LRFN2: variants seen among roughly 807,000 people sequenced by gnomAD.
LRFN2 encodes leucine-rich repeat and fibronectin type-III domain-containing protein 2.
A neutral mutation model predicts 37.3 loss-of-function variants in LRFN2; 18 were observed. The observed-to-expected ratio is 0.48, with a 90% confidence interval of 0.33 to 0.72. LRFN2 has a LOEUF of 0.72. Among genes scored for constraint, LRFN2 ranks in the 30% least tolerant of loss-of-function variants. The probability of loss-of-function intolerance (pLI) is 0.02; values close to 1 mark genes in which losing one functional copy is unlikely to be tolerated. For synonymous variants in LRFN2, 556 were observed against 466.6 expected (o/e 1.19, Z -2.47); for missense variants, 1,006 against 1,060.7 (o/e 0.95, Z 0.72).
intron 1 of LRFN2, among the ~76,000 whole-genome samples, chr6:40,452,579 G>A (rs545751987): frequency 1.3e-5 from 2 of 152,256 alleles, no homozygotes; most frequent in East Asian, 3.9e-4. Flanking sequence ...CTCCACCCTG[G>A]AAGCCAGAAC....
intron 1 of LRFN2, among the ~76,000 whole-genome samples, chr6:40,508,918 T>C (rs1471330876): frequency 1.3e-5 from 2 of 152,194 alleles, no homozygotes; most frequent in Non-Finnish European, 2.9e-5. Context: ...CTCACATCCA[T>C]GCAATGATTG....
At chr6:40,398,450 CCA>C (rs1293858287) in intron 2 of LRFN2, among the ~76,000 whole-genome samples, 2 of 151,768 alleles carry the variant, frequency 1.3e-5, no homozygotes, top group African/African-American at 2.4e-5. Context: ...AAACCGAAAG[CCA>C]GAGTTCACAG....
At chr6:40,464,374 T>A (rs1274185485) in intron 1 of LRFN2, among the ~76,000 whole-genome samples, 2 of 152,174 alleles carry the variant, frequency 1.3e-5, no homozygotes, top group Non-Finnish European at 2.9e-5. Flanking sequence ...TTGGGACCTT[T>A]AAGGTGATTA....
chr6:40,564,644 A>G (rs529851176), intron 1 of LRFN2, among the ~76,000 whole-genome samples: 18 of 151,858 alleles, frequency 1.2e-4, no homozygotes, highest in Non-Finnish European at 2.5e-4. Context: ...TAATACACCC[A>G]CTCTCACCAT....
intron 1 of LRFN2, among the ~76,000 whole-genome samples, chr6:40,572,948 G>A (rs1053492694): frequency 1.3e-5 from 2 of 152,186 alleles, no homozygotes; most frequent in African/African-American, 2.4e-5. Context: ...AGGACTGCAC[G>A]AGCCCATGTC....
intron 1 of LRFN2, among the ~76,000 whole-genome samples, chr6:40,534,870 A>G (rs1456649437): frequency 1.3e-5 from 2 of 152,136 alleles, no homozygotes; most frequent in African/African-American, 4.8e-5. Context: ...CCCCGCGCCC[A>G]TCTTAGAAAA....
chr6:40,437,230 C>T (rs750661674), intron 1 of LRFN2, among the ~76,000 whole-genome samples: 1 of 152,142 alleles, frequency 6.6e-6, no homozygotes, highest in Non-Finnish European at 1.5e-5. Context: ...CAGATCCTCT[C>T]TCCACCCTCT....
chr6:40,402,625 T>A lies in LRFN2; in HGVS notation c.1401-9713A>T, dbSNP rs79834584. Among the ~76,000 whole-genome samples the A allele has an allele frequency of 1.2e-4, 19 of 152,298 alleles. No homozygotes were observed. In the East Asian group the frequency reaches 3.7e-3, roughly 29 times the overall value. ...TCATTATGGATGAGAAAATCAAGGTTCCAAGACATTAGGTGACTTGACTAA... is the reference window on the plus strand; with the variant it reads ...TCATTATGGATGAGAAAATCAAGGTACCAAGACATTAGGTGACTTGACTAA... On this transcript the variant is annotated intron_variant, in intron 2 of 2. Coordinates refer to ENST00000338305, the MANE Select transcript of LRFN2 (RefSeq NM_020737.3).
At chr6:40,492,164 C>G (rs993086228) in intron 1 of LRFN2, among the ~76,000 whole-genome samples, 2 of 152,200 alleles carry the variant, frequency 1.3e-5, no homozygotes, top group Non-Finnish European at 2.9e-5. Flanking sequence ...CACCAATCCT[C>G]TGGAATTGGG....
intron 1 of LRFN2, among the ~76,000 whole-genome samples, chr6:40,476,146 G>A (rs1764705094): frequency 6.6e-6 from 1 of 152,164 alleles, no homozygotes. Flanking sequence ...CTGTACCTTA[G>A]TCAGACTGGG....
Position 40,392,001 on chromosome 6 carries a change from A to G in LRFN2, c.2312T>C (p.Leu771Pro). The G allele has an allele frequency of 6.2e-7, 1 of 1,607,536 alleles. No homozygotes were observed. The highest frequency in any genetic ancestry group is 8.5e-7 in the Non-Finnish European group (1 of 1,177,040). ...GMLLPFEESD[L>P]VGARGTFGSS... The stretch of plus-strand genomic sequence containing the variant: ...GCCAAAAGTCCCCCGGGCCCCCACC[A>G]GGTCACTCTCCTCAAAGGGCAAGAG... Residue 771 changes from leucine (L) to proline (P), a missense_variant, in exon 3 of 3, where the codon CTG (leucine) becomes CCG (proline). Leu to Pro is a moderately conservative substitution (Grantham distance 98). This residue lies in a region of LRFN2 where 398 missense variants were observed against 327.6 expected (regional missense o/e 1.21). Transcript: ENST00000338305. This position sits in a 1 kb window ranked among gnomAD's most constrained non-coding sequence, Gnocchi z 4.7.
intron 1 of LRFN2, among the ~76,000 whole-genome samples, chr6:40,457,594 A>G (rs1764260476): frequency 6.8e-6 from 1 of 147,012 alleles, no homozygotes; most frequent in African/African-American, 2.5e-5. Context: ...AGCCATGATC[A>G]TACCTCTGCA....
intron 1 of LRFN2, among the ~76,000 whole-genome samples, chr6:40,556,042 C>T (rs2395748): frequency 0.47 from 72,025 of 151,902 alleles, 18,099 homozygotes; most frequent in African/African-American, 0.64. Flanking sequence ...AGGCACACGC[C>T]GACCGTCACT....
intron 1 of LRFN2, among the ~76,000 whole-genome samples, chr6:40,545,608 G>A (rs577537539): frequency 1.3e-3 from 192 of 152,288 alleles, no homozygotes; most frequent in African/African-American, 4.3e-3. Flanking sequence ...GAGGAAGAGG[G>A]GAGGTCAGGA....
chr6:40,419,649 C>T (rs575987330), intron 2 of LRFN2, among the ~76,000 whole-genome samples: 2 of 152,272 alleles, frequency 1.3e-5, no homozygotes, highest in East Asian at 3.9e-4. Flanking sequence ...CCCTCACAGG[C>T]CTTTGACTGG....
At chr6:40,421,031 T>A (rs1227388974) in intron 2 of LRFN2, among the ~76,000 whole-genome samples, 1 of 152,138 alleles carries the variant, frequency 6.6e-6, no homozygotes, top group Non-Finnish European at 1.5e-5. Flanking sequence ...CAAACTCTGT[T>A]AAAGGCTGAG....
chr6:40,492,820 A>C lies in LRFN2; in HGVS notation c.-18-59689T>G, dbSNP rs545342437. Among the ~76,000 whole-genome samples, 5 of 152,262 alleles carry C rather than the reference A, an allele frequency of 3.3e-5. No individual in the cohort carries two copies. The South Asian group carries it at 1.0e-3, about 32-fold the overall frequency. On this transcript the variant is annotated intron_variant, in intron 1 of 2. Transcript: ENST00000338305. ...CCAGACTCATTTAGAGGAGGAGAGG[A>C]GGGGGTCACAGGAACACCCCTCCCA...
intron 1 of LRFN2, among the ~76,000 whole-genome samples, chr6:40,458,361 G>T (rs1764278104): frequency 1.3e-5 from 2 of 152,206 alleles, no homozygotes; most frequent in Admixed American, 6.5e-5. Context: ...AGCAGGGAGA[G>T]CTAGGCAGTG....
rs547502568 is a variant in LRFN2 at position 40,415,123 on chromosome 6, T to C, written c.1400+16591A>G. On this transcript the variant is annotated intron_variant, in intron 2 of 2. Coordinates refer to ENST00000338305, the MANE Select transcript of LRFN2 (RefSeq NM_020737.3). ...GACCAGAGACCCACCCCAGACAACT[T>C]TCTGCTCCAGAGACAGAAAAACATG... Among the ~76,000 whole-genome samples, 11 of 152,268 alleles carry C rather than the reference T, an allele frequency of 7.2e-5. No homozygotes were observed. In the South Asian group the frequency reaches 2.3e-3, roughly 32 times the overall value.
Sources: gnomAD v4.1 joint callset for allele counts (sites outside exome capture counted in the v4.1 genomes callset) on GRCh38, gnomAD v4.1.1 for gene constraint, gnomAD v4.1.1 regional missense constraint, Gnocchi (gnomAD v3.1) non-coding constraint, MANE v1.5 for transcripts, NCBI Gene and HGNC (gene_info 2026-07-23, HGNC 2026-07-21) for gene names.